The following ST8SIA5 variants were observed in gnomAD, a reference collection of about 807,000 sequenced individuals.
ST8SIA5 encodes ST8 alpha-N-acetyl-neuraminide alpha-2,8-sialyltransferase 5.
ST8SIA5 carries 24 observed loss-of-function variants against 40.2 expected under a neutral mutation model. The ratio of observed to expected loss-of-function variants is 0.60; its 90% CI spans 0.43 to 0.84. The LOEUF is 0.84. Ranked by LOEUF, ST8SIA5 falls within the 40% of genes least tolerant of loss-of-function variation. The pLI is 0.00. For missense variants in ST8SIA5, 465 were observed against 498.5 expected (o/e 0.93, Z 0.64); for synonymous variants, 198 against 201.8 (o/e 0.98, Z 0.16).
chr18:46,736,266 G>A (rs1327518051), intron 1 of ST8SIA5, among the ~76,000 whole-genome samples: 1 of 152,216 alleles, frequency 6.6e-6, no homozygotes, highest in Non-Finnish European at 1.5e-5. Context: ...TGGGGCTAGT[G>A]GCTAGTGGAC....
intron 1 of ST8SIA5, among the ~76,000 whole-genome samples, chr18:46,737,014 G>A (rs978134943): frequency 5.9e-5 from 9 of 152,200 alleles, no homozygotes; most frequent in Admixed American, 2.6e-4. Flanking sequence ...CACGTCACCA[G>A]AGCTGGAAGA....
intron 2 of ST8SIA5, among the ~76,000 whole-genome samples, chr18:46,694,895 A>C (rs2039541808): frequency 6.6e-6 from 1 of 151,864 alleles, no homozygotes; most frequent in Admixed American, 6.6e-5. Context: ...GCAGTGGCTC[A>C]CGTCTCTAAT....
chr18:46,705,043 A>G (rs1024672474), intron 1 of ST8SIA5, among the ~76,000 whole-genome samples: 5 of 152,384 alleles, frequency 3.3e-5, no homozygotes, highest in Non-Finnish European at 2.9e-5. Flanking sequence ...ATTCTGGCGC[A>G]GCACTGGGAG....
intron 2 of ST8SIA5, among the ~76,000 whole-genome samples, chr18:46,695,975 G>A (rs2039553557): frequency 6.6e-6 from 1 of 152,226 alleles, no homozygotes; most frequent in African/African-American, 2.4e-5. Flanking sequence ...TTGCCAGGAA[G>A]TGGCAAGTGC....
At chr18:46,688,653 A>G (rs2039471829) in intron 4 of ST8SIA5, 122 bp downstream of exon 4, 1 of 1,307,524 alleles carries the variant, frequency 7.6e-7, no homozygotes, top group African/African-American at 1.5e-5. Flanking sequence ...AACCAGGACC[A>G]AGACAACTGA....
chr18:46,685,910 G>A (rs2039441490), intron 5 of ST8SIA5: 1 of 469,778 alleles, frequency 2.1e-6, no homozygotes, highest in South Asian at 2.7e-5. Flanking sequence ...AAGCTCCTAA[G>A]TCCTCAGTGC....
At chr18:46,730,124 G>T in intron 1 of ST8SIA5, 1 of 976,468 alleles carries the variant, frequency 1.0e-6, no homozygotes, top group Non-Finnish European at 1.2e-6. Context: ...CAGCTGCCAT[G>T]TTCCTTTAAA....
At chr18:46,737,496 G>GTTAGGATAACA (rs2040046559) in intron 1 of ST8SIA5, among the ~76,000 whole-genome samples, 1 of 152,174 alleles carries the variant, frequency 6.6e-6, no homozygotes, top group African/African-American at 2.4e-5. Flanking sequence ...TTAGGATAAA[G>GTTAGGATAACA]TTTCAGGATT....
At chr18:46,730,723 C>G (rs934246526) in intron 1 of ST8SIA5, among the ~76,000 whole-genome samples, 2 of 152,102 alleles carry the variant, frequency 1.3e-5, no homozygotes, top group African/African-American at 4.8e-5. Flanking sequence ...ATCATTTGAG[C>G]ACAGGAGGTT....
chr18:46,701,655 C>T (rs145496991), intron 2 of ST8SIA5, among the ~76,000 whole-genome samples: 2 of 152,240 alleles, frequency 1.3e-5, no homozygotes, highest in East Asian at 1.9e-4. Context: ...AGACCCCTGG[C>T]CTCCAGAATT....
At chr18:46,749,011 A>C (rs1464852978) in intron 1 of ST8SIA5, among the ~76,000 whole-genome samples, 1 of 152,250 alleles carries the variant, frequency 6.6e-6, no homozygotes, top group Admixed American at 6.5e-5. Context: ...ATACAATGAA[A>C]TATTATTCTG....
At chr18:46,728,382 A>G (rs545569605) in intron 1 of ST8SIA5, among the ~76,000 whole-genome samples, 7 of 152,358 alleles carry the variant, frequency 4.6e-5, no homozygotes, top group Non-Finnish European at 1.0e-4. Flanking sequence ...CTATCCATTC[A>G]CAGTGTGTGG....
At chr18:46,705,862 G>T (rs1396155491) in intron 1 of ST8SIA5, among the ~76,000 whole-genome samples, 1 of 152,232 alleles carries the variant, frequency 6.6e-6, no homozygotes, top group Non-Finnish European at 1.5e-5. Context: ...CCAAGGATTG[G>T]AAATTAGGCA....
intron 3 of ST8SIA5, chr18:46,691,797 T>G (rs1599105696): frequency 9.5e-6 from 2 of 209,974 alleles, no homozygotes; most frequent in East Asian, 1.2e-4. Context: ...ACAGGGGAGG[T>G]GAGGACCAGG....
intron 1 of ST8SIA5, among the ~76,000 whole-genome samples, chr18:46,736,986 G>C (rs1011104851): frequency 6.6e-6 from 1 of 152,170 alleles, no homozygotes; most frequent in Non-Finnish European, 1.5e-5. Flanking sequence ...TCTCCTGAGG[G>C]ACCAGTCCCT....
chr18:46,749,623 AATTT>A (rs2040176467), intron 1 of ST8SIA5, among the ~76,000 whole-genome samples: 1 of 152,202 alleles, frequency 6.6e-6, no homozygotes, highest in African/African-American at 2.4e-5. Context: ...ACAAAAAACA[AATTT>A]ATTTCTATAT....
intron 1 of ST8SIA5, among the ~76,000 whole-genome samples, chr18:46,717,034 G>A (rs1022748066): frequency 2.0e-5 from 3 of 152,230 alleles, no homozygotes; most frequent in African/African-American, 7.2e-5. Context: ...TGCCTCAGCT[G>A]TCCTCTGTCC....
chr18:46,732,344 G>A (rs551102428), intron 1 of ST8SIA5, among the ~76,000 whole-genome samples: 2 of 152,318 alleles, frequency 1.3e-5, no homozygotes, highest in Non-Finnish European at 2.9e-5. Flanking sequence ...CAGGAGTCCT[G>A]ACTCCCAGTT....
intron 1 of ST8SIA5, among the ~76,000 whole-genome samples, chr18:46,720,673 C>T (rs1323181108): frequency 6.6e-6 from 1 of 152,102 alleles, no homozygotes; most frequent in Non-Finnish European, 1.5e-5. Flanking sequence ...CTTAATCAGC[C>T]CCTGGGAATG....
Sources: allele counts gnomAD v4.1 joint callset (sites outside exome capture counted in the v4.1 genomes callset), GRCh38; gene constraint gnomAD v4.1.1; transcripts MANE v1.5; gene names NCBI Gene and HGNC (gene_info 2026-07-23, HGNC 2026-07-21).